The following OXSR1 variants were observed in gnomAD, a reference collection of about 807,000 sequenced individuals.
OXSR1 encodes oxidative stress responsive kinase 1, also known as serine/threonine-protein kinase OSR1.
In OXSR1, 24 loss-of-function variants were observed where a neutral mutation model predicts 79.8. The ratio of observed to expected loss-of-function variants is 0.30; its 90% CI spans 0.22 to 0.42. OXSR1 has a LOEUF of 0.42. Among genes scored for constraint, OXSR1 ranks in the 10% least tolerant of loss-of-function variants. The pLI is 1.00. For missense variants in OXSR1, 430 were observed against 618.4 expected, an observed-to-expected ratio of 0.70 and a Z score of 3.23; for synonymous variants, 226 against 209.2, an observed-to-expected ratio of 1.08 and a Z score of -0.69.
chr3:38,229,300 A>G (rs1287954344), intron 8 of OXSR1, among the ~76,000 whole-genome samples: 2 of 152,064 alleles, frequency 1.3e-5, no homozygotes, highest in African/African-American at 4.8e-5. Flanking sequence ...GTGTTTAAAT[A>G]TATTTTTATG....
chr3:38,229,551 C>T, intron 8 of OXSR1, 136 bp from the exon 9 acceptor site: 1 of 590,972 alleles, frequency 1.7e-6, no homozygotes, highest in Non-Finnish European at 3.0e-6. Context: ...TGCTTTTTAG[C>T]AGTTTAAGGA....
chr3:38,168,776 T>C (rs1416894505), intron 1 of OXSR1, among the ~76,000 whole-genome samples: 1 of 152,202 alleles, frequency 6.6e-6, no homozygotes, highest in Admixed American at 6.5e-5. Context: ...TAATATGTGG[T>C]CCTTTGTGTT....
chr3:38,200,268 T>TG (rs1185652172), intron 4 of OXSR1, among the ~76,000 whole-genome samples: 2 of 152,142 alleles, frequency 1.3e-5, no homozygotes, highest in African/African-American at 2.4e-5. Flanking sequence ...AGAGCAGGCT[T>TG]GGGGCTCTTT....
intron 10 of OXSR1, among the ~76,000 whole-genome samples, chr3:38,235,739 A>G (rs1702906005): frequency 6.6e-6 from 1 of 152,226 alleles, no homozygotes; most frequent in Non-Finnish European, 1.5e-5. Flanking sequence ...AGTTTTCTTC[A>G]AAGGTATGAA....
At chr3:38,183,256 AT>A (rs1248601339) in intron 2 of OXSR1, 141 bp downstream of exon 2, 1 of 436,336 alleles carries the variant, frequency 2.3e-6, no homozygotes, top group Non-Finnish European at 4.0e-6. Context: ...TCATTGTAAA[AT>A]TTATAAAGTC....
At chr3:38,194,908 A>C (rs1440754342) in intron 3 of OXSR1, among the ~76,000 whole-genome samples, 1 of 152,244 alleles carries the variant, frequency 6.6e-6, no homozygotes, top group Non-Finnish European at 1.5e-5. Context: ...AGAATTTAAT[A>C]AGGTAATTAA....
intron 1 of OXSR1, among the ~76,000 whole-genome samples, chr3:38,167,370 T>G (rs1410992656): frequency 1.3e-5 from 2 of 152,198 alleles, no homozygotes; most frequent in Non-Finnish European, 2.9e-5. Flanking sequence ...TCAAAATGTT[T>G]AGCTATACAG....
chr3:38,227,614 T>C (rs1002578385), intron 8 of OXSR1, among the ~76,000 whole-genome samples: 4 of 149,840 alleles, frequency 2.7e-5, no homozygotes, highest in African/African-American at 9.9e-5. Flanking sequence ...TACATGAACT[T>C]ACCAGGAAAG....
intron 12 of OXSR1, among the ~76,000 whole-genome samples, chr3:38,243,773 A>G (rs1031065712): frequency 5.3e-5 from 8 of 152,238 alleles, no homozygotes; most frequent in Admixed American, 5.2e-4. Flanking sequence ...GTTCCTTCAC[A>G]TATTAACAGG....
At chr3:38,199,738 C>T (rs1445679583) in intron 4 of OXSR1, among the ~76,000 whole-genome samples, 2 of 152,080 alleles carry the variant, frequency 1.3e-5, no homozygotes, top group Non-Finnish European at 2.9e-5. Flanking sequence ...GTGGGGACTC[C>T]CATTCAATCC....
chr3:38,255,365 T>A lies in OXSR1; in HGVS notation c.*2474T>A, dbSNP rs1241245223. ...TGATGTACCAATAAGTGGAGATTCC[T>A]CCTTATGATGTATGCTAGGTTATGG... On this transcript the variant is annotated 3_prime_UTR_variant, in exon 18 of 18. Coordinates refer to ENST00000311806, the MANE Select transcript of OXSR1 (RefSeq NM_005109.3). 1 of 152,690 alleles carries A rather than the reference T, an allele frequency of 6.5e-6. No homozygotes were observed. Among genetic ancestry groups the A allele is most frequent in the African/African-American group, 2.4e-5 (1 of 41,470 alleles). 9.5% of individuals were successfully genotyped at this position (152,690 alleles called of 1,614,324 possible). A position where few individuals can be genotyped will look rare whatever the true frequency, so the allele number is the denominator to read the frequency against.
intron 10 of OXSR1, among the ~76,000 whole-genome samples, chr3:38,235,443 C>T (rs948006604): frequency 6.6e-6 from 1 of 151,958 alleles, no homozygotes; most frequent in African/African-American, 2.4e-5. Flanking sequence ...AAAGAGAATT[C>T]CAGAAAAGGA....
At chr3:38,169,547 C>G (rs780049624) in intron 1 of OXSR1, among the ~76,000 whole-genome samples, 2 of 152,022 alleles carry the variant, frequency 1.3e-5, no homozygotes, top group Middle Eastern at 3.2e-3. Flanking sequence ...CTCAGGTGAT[C>G]CGCCTGCTTG....
intron 8 of OXSR1, 25 bp from the exon 9 acceptor site, chr3:38,229,662 T>G (rs367882129): frequency 8.1e-6 from 13 of 1,599,758 alleles, no homozygotes; most frequent in Non-Finnish European, 1.1e-5. Context: ...ATAAAAACTT[T>G]TCTTCCCTCC....
chr3:38,184,903 C>CCTT (rs1701851501), intron 2 of OXSR1, among the ~76,000 whole-genome samples: 1 of 22,856 alleles, frequency 4.4e-5, no homozygotes, highest in Admixed American at 3.1e-4. Context: ...AAGAACATTT[C>CCTT]TTTTTTTTTT....
chr3:38,173,346 A>G (rs530348603), intron 1 of OXSR1, among the ~76,000 whole-genome samples: 2 of 152,348 alleles, frequency 1.3e-5, no homozygotes, highest in Non-Finnish European at 2.9e-5. Context: ...CAGTTAATAA[A>G]TGTTAGCTTT....
intron 1 of OXSR1, among the ~76,000 whole-genome samples, chr3:38,175,328 T>TG (rs2125802914): frequency 6.6e-6 from 1 of 152,260 alleles, no homozygotes; most frequent in African/African-American, 2.4e-5. Context: ...ATTTTTGAGG[T>TG]GGGGTCTCGC....
intron 5 of OXSR1, among the ~76,000 whole-genome samples, chr3:38,219,898 C>G (rs1014693365): frequency 6.6e-6 from 1 of 151,974 alleles, no homozygotes; most frequent in Admixed American, 6.6e-5. Context: ...GCCTCAAACT[C>G]GTAGGCTCAA....
intron 4 of OXSR1, among the ~76,000 whole-genome samples, chr3:38,208,381 C>T (rs746179825): frequency 3.3e-5 from 5 of 152,084 alleles, no homozygotes; most frequent in Non-Finnish European, 7.4e-5. Flanking sequence ...CAAAACTGAA[C>T]GATCATAAAT....
Sources: gnomAD v4.1 joint callset for allele counts (sites outside exome capture counted in the v4.1 genomes callset) on GRCh38, gnomAD v4.1.1 for gene constraint, MANE v1.5 for transcripts, NCBI Gene and HGNC (gene_info 2026-07-23, HGNC 2026-07-21) for gene names.